JPT1: variants seen among roughly 807,000 people sequenced by gnomAD.
JPT1 encodes the protein Jupiter microtubule associated homolog 1, also known as androgen-regulated protein 2.
JPT1 carries 5 observed loss-of-function variants against 17.0 expected under a neutral mutation model. The observed-to-expected ratio is 0.29, with a 90% confidence interval of 0.15 to 0.62. JPT1 has a LOEUF of 0.62. Ranked by LOEUF, JPT1 falls within the 20% of genes least tolerant of loss-of-function variation. JPT1 has a pLI of 0.85. For missense variants in JPT1, 158 were observed against 188.1 expected, an observed-to-expected ratio of 0.84 and a Z score of 0.94; for synonymous variants, 71 against 73.6, an observed-to-expected ratio of 0.96 and a Z score of 0.18.
At chr17:75,150,258 CTT>C (rs796385659) in intron 1 of JPT1, among the ~76,000 whole-genome samples, 5 of 145,292 alleles carry the variant, frequency 3.4e-5, no homozygotes, top group African/African-American at 2.5e-5. Flanking sequence ...TTTTTCTTTT[CTT>C]TTTTTTTTTT....
chr17:75,149,281 G>A (rs1431025438), intron 1 of JPT1: 2 of 331,788 alleles, frequency 6.0e-6, no homozygotes, highest in Non-Finnish European at 1.2e-5. Context: ...GTTTCGGCCG[G>A]GAGGTCAAGG....
rs1483115898 is a variant in JPT1, at chr17:75,148,697, T to C, written c.57-26A>G. 5 of 1,611,824 alleles carry C rather than the reference T, an allele frequency of 3.1e-6. No homozygotes were observed. In the African/African-American group the frequency reaches 5.4e-5, roughly 17 times the overall value. On this transcript the variant is annotated intron_variant, in intron 1 of 4. Transcript: ENST00000409753. ...CTGCAAATAATGGCAAAACATCAAC[T>C]TCAGATCATACTGAAACATTTCTTG...
intron 4 of JPT1, chr17:75,140,982 C>G (rs1056169775): frequency 6.6e-6 from 1 of 152,342 alleles, no homozygotes; most frequent in African/African-American, 2.4e-5. Flanking sequence ...CCCAGCTACT[C>G]GGGAGGCTGA....
chr17:75,149,099 C>A, intron 1 of JPT1: 1 of 1,241,462 alleles, frequency 8.1e-7, no homozygotes, highest in Non-Finnish European at 1.1e-6. Context: ...ACCTGTAATC[C>A]CAGCACCCTA....
chr17:75,151,330 C>T (rs910495409), intron 1 of JPT1, among the ~76,000 whole-genome samples: 3 of 151,402 alleles, frequency 2.0e-5, no homozygotes, highest in African/African-American at 7.3e-5. Context: ...AGTGAGACTC[C>T]GTCTCAAAAT....
chr17:75,154,168 A>C (rs2074597993), intron 1 of JPT1, 174 bp downstream of exon 1: 1 of 316,354 alleles, frequency 3.2e-6, no homozygotes. Context: ...GCCGGCGCGC[A>C]GGGCTCGCCA....
At chr17:75,142,144 G>A (rs751458228) in intron 4 of JPT1, among the ~76,000 whole-genome samples, 77 of 152,260 alleles carry the variant, frequency 5.1e-4, no homozygotes, top group Non-Finnish European at 8.7e-4. Context: ...TTGACACATT[G>A]TTGACATACT....
At chr17:75,151,303 T>C (rs1383768850) in intron 1 of JPT1, among the ~76,000 whole-genome samples, 2 of 151,852 alleles carry the variant, frequency 1.3e-5, no homozygotes, top group African/African-American at 4.8e-5. Flanking sequence ...ACCACTGCAC[T>C]CTAGCCTGGG....
chr17:75,136,216 C>T lies in JPT1; in HGVS notation c.351G>A (p.Gly117=). ...CAGGCACGGGCTTCTCTTCACTCTG[C>T]CCCAGGCTGCCTGGCAAGTCTGTGT... ...NVDTDLPGSL[G]QSEEKPVPAA... Residue 117 remains glycine (G), a synonymous_variant, in exon 5 of 5, where the codon GGG becomes GGA. Coordinates refer to ENST00000409753, the MANE Select transcript of JPT1 (RefSeq NM_016185.4). 1 of 1,603,412 alleles carries T rather than the reference C, an allele frequency of 6.2e-7. No individual in the cohort carries two copies. The highest frequency in any genetic ancestry group is 8.5e-7 in the Non-Finnish European group (1 of 1,173,080).
At chr17:75,144,059 T>C (rs561641501) in intron 4 of JPT1, among the ~76,000 whole-genome samples, 1 of 107,304 alleles carries the variant, frequency 9.3e-6, no homozygotes, top group African/African-American at 2.5e-5. Flanking sequence ...TGAGGACTTC[T>C]GGATAACTGA....
intron 4 of JPT1, chr17:75,145,945 T>G (rs2074421578): frequency 1.3e-5 from 2 of 151,612 alleles, no homozygotes; most frequent in Non-Finnish European, 2.9e-5. Flanking sequence ...AGGTGTGGTG[T>G]TGTACCCCTG....
rs569597912 is a variant in JPT1, at chr17:75,148,803, C to A, written c.57-132G>T. ...CACCCCTACAACAGATAGCTGCTAA[C>A]AGGAAAAAAGAATCAACTCCATCAG... On this transcript the variant is annotated intron_variant, in intron 1 of 4. Coordinates refer to ENST00000409753, the MANE Select transcript of JPT1 (RefSeq NM_016185.4). 3.6e-5 allele frequency: 40 copies of A among 1,097,146 alleles called. No individual in the cohort carries two copies. The East Asian group carries it at 1.0e-3, about 28-fold the overall frequency. The allele number at this position is 1,097,146 out of a possible 1,614,324, so 68.0% of individuals were successfully genotyped here.
At chr17:75,140,595 C>T (rs1315971589) in intron 4 of JPT1, among the ~76,000 whole-genome samples, 2 of 152,156 alleles carry the variant, frequency 1.3e-5, no homozygotes, top group Non-Finnish European at 2.9e-5. Context: ...AAATAAATTT[C>T]CCGTATATCC....
intron 1 of JPT1, among the ~76,000 whole-genome samples, chr17:75,151,565 G>GGCAGAA (rs1382005304): frequency 6.6e-6 from 1 of 151,882 alleles, no homozygotes; most frequent in Non-Finnish European, 1.5e-5. Flanking sequence ...CTGAGGCAGA[G>GGCAGAA]GCAGAAGAAT....
At chr17:75,139,219 T>C (rs1472956696) in intron 4 of JPT1, among the ~76,000 whole-genome samples, 1 of 152,232 alleles carries the variant, frequency 6.6e-6, no homozygotes, top group Non-Finnish European at 1.5e-5. Flanking sequence ...CAGTTTCATT[T>C]CTGCTGGTGG....
chr17:75,142,910 T>C (rs996457446), intron 4 of JPT1: 35 of 396,342 alleles, frequency 8.8e-5, no homozygotes, highest in Non-Finnish European at 1.6e-4. Context: ...ACAAAATCTG[T>C]TTTTGTCCAC....
intron 4 of JPT1, among the ~76,000 whole-genome samples, chr17:75,142,251 A>G (rs2074327861): frequency 6.6e-6 from 1 of 151,858 alleles, no homozygotes; most frequent in African/African-American, 2.4e-5. Flanking sequence ...CAGTGAAAGT[A>G]TTCAGAATAT....
rs938136833 is a variant in JPT1 at position 75,149,376 on chromosome 17, T to A, written c.57-705A>T. Reference sequence around the variant, plus strand: ...TCTCAAAATGTAAAAAGTAAATAAATTTTTTTTTTGAGACGGAGTCTCCCT... The same window carrying A: ...TCTCAAAATGTAAAAAGTAAATAAAATTTTTTTTTGAGACGGAGTCTCCCT... On this transcript the variant is annotated intron_variant, in intron 1 of 4. Transcript: ENST00000409753. 7.3e-5 allele frequency among the ~76,000 whole-genome samples: 11 copies of A among 150,784 alleles called. No individual in the cohort carries two copies. In the South Asian group the frequency reaches 8.4e-4, roughly 11 times the overall value.
chr17:75,140,820 G>A (rs540767143), intron 4 of JPT1, among the ~76,000 whole-genome samples: 2 of 152,178 alleles, frequency 1.3e-5, no homozygotes, highest in African/African-American at 4.8e-5. Context: ...GGCCAAGCAC[G>A]GTGGCTCACG....
Sources: gnomAD v4.1 joint callset for allele counts (sites outside exome capture counted in the v4.1 genomes callset) on GRCh38, gnomAD v4.1.1 for gene constraint, MANE v1.5 for transcripts, NCBI Gene and HGNC (gene_info 2026-07-23, HGNC 2026-07-21) for gene names.